The following ZNF415 variants were observed in gnomAD, a reference collection of about 807,000 sequenced individuals.
ZNF415 encodes zinc finger protein 415.
In ZNF415, 5 loss-of-function variants were observed where a neutral mutation model predicts 7.3. The observed-to-expected ratio is 0.69, with a 90% CI of 0.36 to 1.44. ZNF415 has a LOEUF of 1.44. ZNF415 is among the 40% of genes most tolerant of loss of function. The probability of loss-of-function intolerance (pLI) is 0.04; values close to 1 mark genes in which losing one functional copy is unlikely to be tolerated. For missense variants in ZNF415, 628 were observed against 664.8 expected, an observed-to-expected ratio of 0.94 and a Z score of 0.61; for synonymous variants, 207 against 226.3, an observed-to-expected ratio of 0.91 and a Z score of 0.77.
intron 2 of ZNF415, among the ~76,000 whole-genome samples, chr19:53,119,084 T>C (rs1007396357): frequency 6.6e-6 from 1 of 152,002 alleles, no homozygotes; most frequent in Non-Finnish European, 1.5e-5. Context: ...ATCAAGACCA[T>C]CCTGGCTAAC....
chr19:53,117,917 C>A (rs892312194), intron 2 of ZNF415, among the ~76,000 whole-genome samples: 1 of 152,076 alleles, frequency 6.6e-6, no homozygotes, highest in Non-Finnish European at 1.5e-5. Context: ...TACAAAACAA[C>A]CAGAAATCAA....
Position 53,109,316 on chromosome 19 carries a change from T to A in ZNF415, c.729A>T (p.Gly243=), listed in dbSNP as rs759573129. 6.2e-7 allele frequency: 1 copy of A among 1,614,182 alleles called. No homozygotes were observed. The highest frequency in any genetic ancestry group is 8.5e-7 in the Non-Finnish European group (1 of 1,180,018). ...CCTTGCCACACAGATCACATTTATA[T>A]CCTTTCTCTCCAGAATGACTTACCT... ...VRQVSHSGEK[G]YKCDLCGKVF... is the part of the protein sequence containing the mutation. The change falls in exon 4 of 4, where the codon GGA becomes GGT. Residue 243 remains glycine (G), a synonymous_variant. Coordinates refer to ENST00000243643, the MANE Select transcript of ZNF415 (RefSeq NM_018355.4).
chr19:53,114,592 G>A (rs1385805871), intron 3 of ZNF415, among the ~76,000 whole-genome samples: 1 of 152,202 alleles, frequency 6.6e-6, no homozygotes, highest in Non-Finnish European at 1.5e-5. Flanking sequence ...TACAACATAT[G>A]AGGCTAGATT....
At chr19:53,110,276 C>T (rs1213430468) in intron 3 of ZNF415, among the ~76,000 whole-genome samples, 2 of 152,070 alleles carry the variant, frequency 1.3e-5, no homozygotes, top group East Asian at 3.9e-4. Flanking sequence ...TTTTACCTAG[C>T]CACAGCATAT....
Position 53,107,969 on chromosome 19 carries a change from T to C in ZNF415, c.*408A>G, listed in dbSNP as rs2085642466. On this transcript the variant is annotated 3_prime_UTR_variant, in exon 4 of 4. Coordinates refer to ENST00000243643, the MANE Select transcript of ZNF415 (RefSeq NM_018355.4). ...TGCATTTGTTCTACAATGTGTAATA[T>C]GAAAAGTTTATCAGCACAACTAGAC... The C allele has an allele frequency of 1.1e-5, 2 of 174,584 alleles. No homozygotes were observed. Among genetic ancestry groups the C allele is most frequent in the Admixed American group, 1.1e-4 (2 of 18,060 alleles). 10.8% of individuals were successfully genotyped at this position (174,584 alleles called of 1,614,324 possible). A position where few individuals can be genotyped will look rare whatever the true frequency, so the allele number is the denominator to read the frequency against.
rs1601340268 is a variant in ZNF415 at position 53,129,496 on chromosome 19, C to G, written c.-68+3360G>C. 11 of 406,786 alleles carry G rather than the reference C, an allele frequency of 2.7e-5. No individual in the cohort carries two copies. The East Asian group carries it at 3.9e-4, about 14-fold the overall frequency. 25.2% of individuals were successfully genotyped at this position (406,786 alleles called of 1,614,324 possible). On this transcript the variant is annotated intron_variant, in intron 1 of 3. Transcript: ENST00000243643. ...ATCCAAATAAAAATTTTAATTGCAA[C>G]TGGCTAGTCCCCCCACATACAACTG...
At chr19:53,129,738 G>C in intron 1 of ZNF415, 1 of 397,696 alleles carries the variant, frequency 2.5e-6, no homozygotes, top group East Asian at 3.6e-5. Flanking sequence ...GGGCCAATGG[G>C]CTGTGTTTGC....
intron 1 of ZNF415, among the ~76,000 whole-genome samples, chr19:53,128,906 G>C (rs1357585865): frequency 1.6e-5 from 1 of 63,026 alleles, no homozygotes; most frequent in Non-Finnish European, 4.3e-5. Context: ...CCCAGATGGA[G>C]ACTGTGTCCT....
intron 2 of ZNF415, among the ~76,000 whole-genome samples, chr19:53,119,752 A>T (rs2087681697): frequency 6.6e-6 from 1 of 151,970 alleles, no homozygotes; most frequent in Non-Finnish European, 1.5e-5. Flanking sequence ...AATATAAAAG[A>T]TCATCAGAGA....
rs759417580 is a variant in ZNF415 at position 53,122,755 on chromosome 19, C to T, written c.-67-12G>A. ...TTTGGAAGTCAATGCTGAATAACAA[C>T]AACAAGTGCTGTTTATTGCTTAGAA... is the stretch of plus-strand genomic sequence containing the variant. On this transcript the variant is annotated splice_polypyrimidine_tract_variant and intron_variant, in intron 1 of 3. Coordinates refer to ENST00000243643, the MANE Select transcript of ZNF415 (RefSeq NM_018355.4). The T allele has an allele frequency of 8.2e-6, 13 of 1,594,140 alleles. No homozygotes were observed. The highest frequency in any genetic ancestry group is 1.1e-5 in the Non-Finnish European group (13 of 1,162,928).
At position 53,108,347 on chromosome 19, in the gene ZNF415, A is replaced by G. The variant is rs756634238; in HGVS notation, c.*30T>C. 3.2e-6 allele frequency: 5 copies of G among 1,561,600 alleles called. No individual in the cohort carries two copies. The highest frequency in any genetic ancestry group is 2.6e-6 in the Non-Finnish European group (3 of 1,156,854). Reference sequence around the variant, plus strand: ...TATAAATTCTTTGATGACTCACAGGATTTAAACTTTGACTGAAGACCTTGC... The same window carrying G: ...TATAAATTCTTTGATGACTCACAGGGTTTAAACTTTGACTGAAGACCTTGC... On this transcript the variant is annotated 3_prime_UTR_variant, in exon 4 of 4. Coordinates refer to ENST00000243643, the MANE Select transcript of ZNF415 (RefSeq NM_018355.4).
In ZNF415 at chr19:53,116,522, G is replaced by C. The variant is rs190373037; in HGVS notation, c.16-89C>G. The C allele has an allele frequency of 2.2e-4, 337 of 1,541,944 alleles. 1 individual carries two copies. In the African/African-American group the frequency reaches 4.2e-3, roughly 19 times the overall value. Reference sequence around the variant, plus strand: ...AAAATAAGAATAAAAGAGAATTTAAGTATAGATTTAATTGAAGTGTGTGTT... The same window carrying C: ...AAAATAAGAATAAAAGAGAATTTAACTATAGATTTAATTGAAGTGTGTGTT... On this transcript the variant is annotated intron_variant, in intron 2 of 3. Transcript: ENST00000243643.
At chr19:53,119,769 T>A (rs1024001806) in intron 2 of ZNF415, among the ~76,000 whole-genome samples, 1 of 151,938 alleles carries the variant, frequency 6.6e-6, no homozygotes, top group South Asian at 2.1e-4. Context: ...GAGACTATTA[T>A]AAATAACTAC....
At chr19:53,126,101 C>A (rs1357226784) in intron 1 of ZNF415, among the ~76,000 whole-genome samples, 1 of 151,170 alleles carries the variant, frequency 6.6e-6, no homozygotes, top group Non-Finnish European at 1.5e-5. Context: ...CACTAGTGCA[C>A]CCTCTGGTAC....
intron 3 of ZNF415, among the ~76,000 whole-genome samples, 159 bp from the exon 4 acceptor site, chr19:53,110,067 A>G (rs1476061801): frequency 1.6e-5 from 2 of 124,974 alleles, no homozygotes; most frequent in African/African-American, 5.8e-5. Context: ...CAAAGGAATC[A>G]CATTCTTTAG....
Position 53,116,326 on chromosome 19 carries a change from G to T in ZNF415, c.123C>A (p.Asn41Lys), listed in dbSNP as rs1283891603. The change falls in exon 3 of 4, where the codon AAC becomes AAA. Residue 41 changes from asparagine (N) to lysine (K), a missense_variant. Physicochemically the swap from Asn to Lys is moderately conservative, Grantham distance 94 (BLOSUM62 0). Transcript: ENST00000243643. ...YRDVMLENYR[N>K]LVSLDLSRNC... ...AATTATCCTCACCCAGGGAGACCAGGTTCCTGTAGTTCTCCAACATCACAT... is the reference window on the plus strand; with the variant it reads ...AATTATCCTCACCCAGGGAGACCAGTTTCCTGTAGTTCTCCAACATCACAT... The T allele has an allele frequency of 6.2e-7, 1 of 1,609,632 alleles. No individual in the cohort carries two copies.
intron 3 of ZNF415, 62 bp downstream of exon 3, chr19:53,116,251 A>G (rs779281133): frequency 2.1e-5 from 33 of 1,554,330 alleles, no homozygotes; most frequent in Non-Finnish European, 2.8e-5. Context: ...CAAGAGGCAC[A>G]CAAGGGAAAA....
intron 1 of ZNF415, among the ~76,000 whole-genome samples, chr19:53,126,458 A>G (rs2089127139): frequency 6.9e-6 from 1 of 145,288 alleles, no homozygotes; most frequent in African/African-American, 2.5e-5. Flanking sequence ...TGGCTTGAAT[A>G]TTATTCACAG....
chr19:53,124,017 C>T lies in ZNF415; in HGVS notation c.-67-1274G>A, dbSNP rs191218571. On this transcript the variant is annotated intron_variant, in intron 1 of 3. Transcript: ENST00000243643. ...CTTTGGGAGGCCGAGGCAGGTGGAT[C>T]ACCTGAGGTCAGGAGTTCGAGACCC... 92 of 152,894 alleles carry T rather than the reference C, an allele frequency of 6.0e-4. 1 individual carries two copies. The East Asian group carries it at 0.014, about 23-fold the overall frequency. The allele number at this position is 152,894 out of a possible 1,614,324, so 9.5% of individuals were successfully genotyped here.
Sources: allele counts gnomAD v4.1 joint callset (sites outside exome capture counted in the v4.1 genomes callset), GRCh38; gene constraint gnomAD v4.1.1; transcripts MANE v1.5; gene names NCBI Gene and HGNC (gene_info 2026-07-23, HGNC 2026-07-21).